INPP4A: variants seen among roughly 807,000 people sequenced by gnomAD.
INPP4A encodes the protein inositol polyphosphate-4-phosphatase type I A.
INPP4A carries 33 observed loss-of-function variants against 119.8 expected under a neutral mutation model. The observed-to-expected ratio is 0.28, with a 90% CI of 0.21 to 0.37. The LOEUF (loss-of-function observed/expected upper bound fraction) is 0.37, where lower values mean the gene tolerates loss of function less well. Ranked by LOEUF, INPP4A falls within the 10% of genes least tolerant of loss-of-function variation. INPP4A has a pLI of 1.00. For synonymous variants in INPP4A, 496 were observed against 500.7 expected (o/e 0.99, Z 0.12); for missense variants, 956 against 1,289.9 (o/e 0.74, Z 3.97).
chr2:98,540,930 A>G lies in INPP4A; in HGVS notation c.818+1255A>G, dbSNP rs140395352. ...TCAAATGGTGTTAATTATAAACACAATATAACAGAAGCGTGAAAGAAAGCA... is the reference window on the plus strand; with the variant it reads ...TCAAATGGTGTTAATTATAAACACAGTATAACAGAAGCGTGAAAGAAAGCA... On this transcript the variant is annotated intron_variant, in intron 10 of 24. Transcript: ENST00000409851. Among the ~76,000 whole-genome samples the G allele has an allele frequency of 6.6e-3, 1,008 of 152,384 alleles. 5 individuals carry two copies. Among genetic ancestry groups the G allele is most frequent in the South Asian group, 0.018 (89 of 4,834 alleles).
intron 1 of INPP4A, among the ~76,000 whole-genome samples, chr2:98,506,801 T>C (rs1020974527): frequency 6.6e-6 from 1 of 152,202 alleles, no homozygotes. Flanking sequence ...ATTTGGACTT[T>C]GCCTCCTGGA....
Position 98,572,453 on chromosome 2 carries a change from C to T in INPP4A, c.2519-362C>T, listed in dbSNP as rs560010676. Reference sequence around the variant, plus strand: ...ACCCACTGCCCCAGTTTCTTCTACCCTCGGGAAGTTTTGACGACCAGCTGG... The same window carrying T: ...ACCCACTGCCCCAGTTTCTTCTACCTTCGGGAAGTTTTGACGACCAGCTGG... On this transcript the variant is annotated intron_variant, in intron 22 of 24. Coordinates refer to ENST00000409851, the MANE Select transcript of INPP4A (RefSeq NM_001134225.2). Among the ~76,000 whole-genome samples the T allele has an allele frequency of 4.6e-5, 7 of 152,328 alleles. No individual in the cohort carries two copies. The East Asian group carries it at 1.4e-3, about 29-fold the overall frequency.
chr2:98,585,238 A>G (rs1215901756), intron 24 of INPP4A, among the ~76,000 whole-genome samples: 1 of 152,268 alleles, frequency 6.6e-6, no homozygotes, highest in East Asian at 1.9e-4. Flanking sequence ...GCTCAGCCAT[A>G]GAATCACTAA....
At chr2:98,485,599 A>G (rs1679384596) in intron 1 of INPP4A, among the ~76,000 whole-genome samples, 2 of 152,088 alleles carry the variant, frequency 1.3e-5, no homozygotes, top group South Asian at 2.1e-4. Flanking sequence ...CTTCGGGAAC[A>G]CTAATGCAAC....
rs1263988449 is a variant in INPP4A at position 98,520,006 on chromosome 2, G to T, written c.-43G>T. The T allele has an allele frequency of 6.7e-7, 1 of 1,494,484 alleles. No homozygotes were observed. The highest frequency in any genetic ancestry group is 9.1e-7 in the Non-Finnish European group (1 of 1,093,250). The allele number at this position is 1,494,484 out of a possible 1,614,324, so 92.6% of individuals were successfully genotyped here. ...CAGCACTTCCCGGGTAATCAGGCGT[G>T]GTCTGACCGAGGATCAAGAAGCACA... On this transcript the variant is annotated 5_prime_UTR_variant, in exon 3 of 25. Transcript: ENST00000409851.
At chr2:98,495,573 A>G (rs975715199) in intron 1 of INPP4A, among the ~76,000 whole-genome samples, 6 of 152,258 alleles carry the variant, frequency 3.9e-5, no homozygotes, top group Admixed American at 6.5e-5. Flanking sequence ...TAAGATATCA[A>G]TCAGTACATG....
intron 1 of INPP4A, among the ~76,000 whole-genome samples, chr2:98,486,938 C>T (rs1679668053): frequency 6.6e-6 from 1 of 152,116 alleles, no homozygotes. Flanking sequence ...TAGCTAAGTA[C>T]TGTGGAGATA....
chr2:98,538,094 C>G (rs1227097655), intron 8 of INPP4A, 120 bp downstream of exon 8: 2 of 667,642 alleles, frequency 3.0e-6, no homozygotes, highest in Non-Finnish European at 5.3e-6. Flanking sequence ...CTGCTTGATG[C>G]TGCTCCCCAC....
chr2:98,511,374 C>G (rs1194321444), intron 1 of INPP4A, among the ~76,000 whole-genome samples: 1 of 152,150 alleles, frequency 6.6e-6, no homozygotes, highest in East Asian at 1.9e-4. Flanking sequence ...CATTACTTTC[C>G]TGTATTTAAG....
rs780819931 is a variant in INPP4A at position 98,581,529 on chromosome 2, CTTTCCTT to C, written c.2786+4398_2786+4404del. 17 of 1,476,166 alleles carry C rather than the reference CTTTCCTT, an allele frequency of 1.2e-5. No individual in the cohort carries two copies. In the South Asian group the frequency reaches 2.3e-4, roughly 20 times the overall value. The allele number at this position is 1,476,166 out of a possible 1,614,324, so 91.4% of individuals were successfully genotyped here. On this transcript the variant is annotated intron_variant, in intron 24 of 24. Transcript: ENST00000409851. ...CTTCTTTTTTTCTTTATTTTCTTTC[CTTTCCTT>C]TTTCCTTTTTCTTTCTCCCAAACTT...
intron 1 of INPP4A, among the ~76,000 whole-genome samples, chr2:98,498,439 T>A (rs1682478806): frequency 2.0e-5 from 3 of 151,986 alleles, no homozygotes; most frequent in Admixed American, 2.0e-4. Context: ...TAAATCTCTT[T>A]TTGATTGTAA....
At chr2:98,472,657 A>G (rs572658560) in intron 1 of INPP4A, among the ~76,000 whole-genome samples, 1 of 152,334 alleles carries the variant, frequency 6.6e-6, no homozygotes, top group East Asian at 1.9e-4. Context: ...CCCAGGGCTC[A>G]CTGAGGGTCT....
chr2:98,492,238 C>T (rs1211774442), intron 1 of INPP4A, among the ~76,000 whole-genome samples: 2 of 152,088 alleles, frequency 1.3e-5, no homozygotes, highest in Non-Finnish European at 2.9e-5. Context: ...TGGGATGTAA[C>T]ACCATTGTAA....
intron 1 of INPP4A, among the ~76,000 whole-genome samples, chr2:98,477,436 C>A (rs535019824): frequency 5.3e-5 from 8 of 152,330 alleles, no homozygotes; most frequent in African/African-American, 1.7e-4. Flanking sequence ...TGACCCGTTT[C>A]CAGATTCTAG....
At chr2:98,470,849 G>A (rs766251368) in intron 1 of INPP4A, among the ~76,000 whole-genome samples, 6 of 152,026 alleles carry the variant, frequency 3.9e-5, no homozygotes, top group Non-Finnish European at 8.8e-5. Context: ...TGTATTTTTA[G>A]TAGAGACGGG....
chr2:98,555,435 G>A, intron 15 of INPP4A, 118 bp from the exon 16 acceptor site: 1 of 1,066,460 alleles, frequency 9.4e-7, no homozygotes. Flanking sequence ...AAACTTTGAG[G>A]TATTTTAACA....
At chr2:98,494,616 G>A (rs1277137537) in intron 1 of INPP4A, among the ~76,000 whole-genome samples, 1 of 148,524 alleles carries the variant, frequency 6.7e-6, no homozygotes, top group Non-Finnish European at 1.5e-5. Context: ...TCAAGCCTAA[G>A]GGTGTTCTAA....
chr2:98,535,310 A>T (rs1690027713), intron 5 of INPP4A, among the ~76,000 whole-genome samples: 1 of 152,222 alleles, frequency 6.6e-6, no homozygotes, highest in Admixed American at 6.5e-5. Flanking sequence ...TCTCTCTTTC[A>T]TCTGCTTATT....
chr2:98,488,135 A>G (rs1679930155), intron 1 of INPP4A, among the ~76,000 whole-genome samples: 1 of 152,120 alleles, frequency 6.6e-6, no homozygotes, highest in South Asian at 2.1e-4. Flanking sequence ...TTCCTCTGAC[A>G]TACCTCCATT....
Sources: allele counts gnomAD v4.1 joint callset (sites outside exome capture counted in the v4.1 genomes callset), GRCh38; gene constraint gnomAD v4.1.1; transcripts MANE v1.5; gene names NCBI Gene and HGNC (gene_info 2026-07-23, HGNC 2026-07-21).